Variants in KCNQ2 observed in about 807,000 individuals in gnomAD.
KCNQ2 encodes the protein potassium voltage-gated channel subfamily Q member 2, also known as potassium voltage-gated channel subfamily KQT member 2.
KCNQ2 carries 14 observed loss-of-function variants against 84.8 expected under a neutral mutation model. That is an observed-to-expected ratio of 0.17 (90% confidence interval 0.11 to 0.26). KCNQ2 has a LOEUF of 0.26. Ranked by LOEUF, KCNQ2 falls within the 10% of genes least tolerant of loss-of-function variation. The pLI is 1.00. For synonymous variants in KCNQ2, 599 were observed against 554.1 expected, an observed-to-expected ratio of 1.08 and a Z score of -1.14; for missense variants, 788 against 1,254.0, an observed-to-expected ratio of 0.63 and a Z score of 5.61.
intron 1 of KCNQ2, among the ~76,000 whole-genome samples, chr20:63,452,531 C>T (rs1009067205): frequency 6.6e-6 from 1 of 152,216 alleles, no homozygotes; most frequent in African/African-American, 2.4e-5. Context: ...GAGGCAGGTG[C>T]GTGGCCACCA....
intron 7 of KCNQ2, 119 bp from the exon 8 acceptor site, chr20:63,434,022 G>C: frequency 6.2e-6 from 5 of 800,604 alleles, no homozygotes; most frequent in Non-Finnish European, 1.0e-5. Flanking sequence ...CAGGCACTCA[G>C]GACTCTGGGC....
At chr20:63,436,506 G>C (rs2081012130) in intron 7 of KCNQ2, among the ~76,000 whole-genome samples, 1 of 151,534 alleles carries the variant, frequency 6.6e-6, no homozygotes, top group Admixed American at 6.6e-5. Flanking sequence ...ACTCCAGCCT[G>C]GGCAACAGAG....
rs1601541414 is a variant in KCNQ2 at position 63,406,680 on chromosome 20, G to T, written c.2583C>A (p.Pro861=). ...PPPRSATGEG[P]FGDVGWAGPR... is the part of the protein sequence containing the mutation. ...GCCCGGCCCAGCCCACGTCACCAAA[G>T]GGACCCTCGCCGGTGGCCGAGCGTG... The change falls in exon 17 of 17, where the codon CCC becomes CCA. Residue 861 remains proline (P), a synonymous_variant. Transcript: ENST00000359125. 2 of 1,603,516 alleles carry T rather than the reference G, an allele frequency of 1.2e-6. No individual in the cohort carries two copies. The highest frequency in any genetic ancestry group is 1.7e-6 in the Non-Finnish European group (2 of 1,177,134).
At chr20:63,412,241 G>A (rs2080142642) in intron 15 of KCNQ2, 1 of 208,036 alleles carries the variant, frequency 4.8e-6, no homozygotes, top group Admixed American at 5.7e-5. Context: ...GAGGACTCCT[G>A]GGGTCCTTGG....
chr20:63,462,043 T>TACCCCAGGCAGCAGGGAGGAGGCTGCAC (rs2081968869), intron 1 of KCNQ2, among the ~76,000 whole-genome samples: 3 of 35,418 alleles, frequency 8.5e-5, no homozygotes, highest in Admixed American at 3.3e-4. Context: ...GGAGGCTGCA[T>TACCCCAGGCAGCAGGGAGGAGGCTGCAC]CTACCCCAGG....
In KCNQ2 at chr20:63,472,614, G is replaced by T; in HGVS notation, c.-151C>A. The T allele has an allele frequency of 4.1e-6, 2 of 493,178 alleles. No homozygotes were observed. Among genetic ancestry groups the T allele is most frequent in the African/African-American group, 2.2e-5 (1 of 46,236 alleles). The allele number at this position is 493,178 out of a possible 1,614,324, so 30.6% of individuals were successfully genotyped here. A position where few individuals can be genotyped will look rare whatever the true frequency, so the allele number is the denominator to read the frequency against. ...TCCTGCCGGGCTTGGGCCGCGCGCGGAGACGCTGCGGCCACCTCGCTCCGC... is the reference window on the plus strand; with the variant it reads ...TCCTGCCGGGCTTGGGCCGCGCGCGTAGACGCTGCGGCCACCTCGCTCCGC... On this transcript the variant is annotated 5_prime_UTR_variant, in exon 1 of 17. Coordinates refer to ENST00000359125, the MANE Select transcript of KCNQ2 (RefSeq NM_172107.4).
intron 11 of KCNQ2, 75 bp from the exon 12 acceptor site, chr20:63,419,747 C>G (rs377643989): frequency 1.5e-6 from 2 of 1,315,806 alleles, no homozygotes; most frequent in Non-Finnish European, 2.2e-6. Flanking sequence ...AACTGAGGCA[C>G]TGCAACCACC....
rs2080010275 is a variant in KCNQ2 at position 63,408,293 on chromosome 20, T to C, written c.1887+120A>G. 2 of 1,289,668 alleles carry C rather than the reference T, an allele frequency of 1.6e-6. No individual in the cohort carries two copies. Among genetic ancestry groups the C allele is most frequent in the African/African-American group, 2.9e-5 (2 of 68,488 alleles). 79.9% of individuals were successfully genotyped at this position (1,289,668 alleles called of 1,614,324 possible). ...AGCTGTCAGTGGTGACAGGGCCATG[T>C]AAACCCTAGACTTGAGGAGCCCTCC... On this transcript the variant is annotated intron_variant, in intron 16 of 16. Transcript: ENST00000359125. The surrounding 1 kb of genome is among the most constrained non-coding windows in gnomAD (Gnocchi z 5.0).
Position 63,472,406 on chromosome 20 carries a change from GCTT to G in KCNQ2, c.55_57del (p.Lys19del), listed in dbSNP as rs763059026. The G allele has an allele frequency of 3.2e-6, 5 of 1,538,902 alleles. No individual in the cohort carries two copies. The highest frequency in any genetic ancestry group is 1.9e-4 in the Middle Eastern group (1 of 5,226). ...TCCAGCCCCACGAAGCCCACCTTCA[GCTT>G]CTTCTCCCCGCTCGGGCCGGGGTAT... On this transcript the variant is annotated inframe_deletion, in exon 1 of 17. Transcript: ENST00000359125.
At chr20:63,437,714 A>C (rs2081046314) in intron 7 of KCNQ2, among the ~76,000 whole-genome samples, 1 of 152,270 alleles carries the variant, frequency 6.6e-6, no homozygotes, top group Non-Finnish European at 1.5e-5. Context: ...TTCCGCTGGC[A>C]GGGATCCTGG....
rs1057516123 is a variant in KCNQ2 at position 63,413,481 on chromosome 20, T to C, written c.1732A>G (p.Met578Val). 6.2e-7 allele frequency: 1 copy of C among 1,613,364 alleles called. No homozygotes were observed. Among genetic ancestry groups the C allele is most frequent in the Non-Finnish European group, 8.5e-7 (1 of 1,180,016 alleles). ...TGCAGGCTCTTAATTCGGGACAGCA[T>C]GTCCAGGTGGCCGGCTGAGTACTGC... ...IEQYSAGHLD[M>V]LSRIKSLQSR... Residue 578 changes from methionine (M) to valine (V), a missense_variant, in exon 15 of 17, where the codon ATG becomes GTG. Met to Val is a conservative substitution (Grantham distance 21). Transcript: ENST00000359125.
At position 63,403,535 on chromosome 20, in the gene KCNQ2, T is replaced by C. The variant is rs2079851627; in HGVS notation, c.*3109A>G. ...TTAGTGCTGTGTGTGGTCTGTGCAC[T>C]TGTGTATGTGTATACTGTGTGTGAG... On this transcript the variant is annotated 3_prime_UTR_variant, in exon 17 of 17. Transcript: ENST00000359125. The C allele has an allele frequency of 6.6e-6, 1 of 152,378 alleles. No individual in the cohort carries two copies. The highest frequency in any genetic ancestry group is 1.5e-5 in the Non-Finnish European group (1 of 68,164). The allele number at this position is 152,378 out of a possible 1,614,324, so 9.4% of individuals were successfully genotyped here. A position where few individuals can be genotyped will look rare whatever the true frequency, so the allele number is the denominator to read the frequency against.
At chr20:63,421,076 G>C (rs1187223190) in intron 11 of KCNQ2, among the ~76,000 whole-genome samples, 1 of 151,914 alleles carries the variant, frequency 6.6e-6, no homozygotes, top group African/African-American at 2.4e-5. Context: ...CTGCCTGGAG[G>C]GCCCCAGGAG....
intron 1 of KCNQ2, among the ~76,000 whole-genome samples, chr20:63,464,878 C>T (rs1394052476): frequency 2.0e-5 from 3 of 152,228 alleles, no homozygotes; most frequent in Non-Finnish European, 4.4e-5. Flanking sequence ...GTCTCCCCCA[C>T]GCACCCCCAG....
At chr20:63,433,977 G>C in intron 7 of KCNQ2, 74 bp from the exon 8 acceptor site, 4 of 1,368,074 alleles carry the variant, frequency 2.9e-6, no homozygotes, top group Non-Finnish European at 4.2e-6. Context: ...CGGGCGTGGA[G>C]GGAACGGGGC....
chr20:63,457,216 G>C (rs904073375), intron 1 of KCNQ2, among the ~76,000 whole-genome samples: 3 of 152,252 alleles, frequency 2.0e-5, no homozygotes, highest in African/African-American at 7.2e-5. Flanking sequence ...GCTGCACACA[G>C]AGACCTCTCG....
chr20:63,434,168 C>T (rs1186717884), intron 7 of KCNQ2: 3 of 525,802 alleles, frequency 5.7e-6, no homozygotes, highest in South Asian at 2.9e-5. Context: ...GGGCCCTGAG[C>T]GAGCTCGCAG....
intron 5 of KCNQ2, 114 bp downstream of exon 5, chr20:63,442,292 C>T: frequency 6.6e-7 from 1 of 1,521,892 alleles, no homozygotes; most frequent in Non-Finnish European, 9.1e-7. Context: ...GGGCAGCCAG[C>T]AGGTGGCCCC....
At chr20:63,440,652 T>C (rs1355924993) in intron 5 of KCNQ2, among the ~76,000 whole-genome samples, 1 of 152,188 alleles carries the variant, frequency 6.6e-6, no homozygotes, top group Non-Finnish European at 1.5e-5. Context: ...CACCAGGACC[T>C]GCAGCCCCAC....
Sources: allele counts gnomAD v4.1 joint callset (sites outside exome capture counted in the v4.1 genomes callset), GRCh38; gene constraint gnomAD v4.1.1; non-coding constraint Gnocchi (gnomAD v3.1); transcripts MANE v1.5; gene names NCBI Gene and HGNC (gene_info 2026-07-23, HGNC 2026-07-21).